NEB: variants seen among roughly 807,000 people sequenced by gnomAD.
NEB encodes nemaline myopathy type 2.
NEB carries 512 observed loss-of-function variants against 952.2 expected under a neutral mutation model. The ratio of observed to expected loss-of-function variants is 0.54; its 90% CI spans 0.50 to 0.58. NEB has a LOEUF of 0.58. Among genes scored for constraint, NEB ranks in the 20% least tolerant of loss-of-function variants. NEB has a pLI of 0.00. For synonymous variants in NEB, 2,900 were observed against 3,149.8 expected (o/e 0.92, Z 2.66); for missense variants, 8,428 against 9,231.1 (o/e 0.91, Z 3.56).
Position 151,533,536 on chromosome 2 carries a change from T to A in NEB, c.21323A>T (p.Lys7108Ile), listed in dbSNP as rs962925999. Residue 7108 changes from lysine to isoleucine, a missense_variant, in exon 143 of 182, where the codon AAA becomes ATA. Coordinates refer to ENST00000397345, the MANE Select transcript of NEB (RefSeq NM_001164508.2). ...ATQLMNERKY[K>I]SSAKMFLQHG... ...TTGCAGAAACATCTTGGCACTAGATTTATATTTTCTCTGTCCATGCAAAGA... is the reference window on the plus strand; with the variant it reads ...TTGCAGAAACATCTTGGCACTAGATATATATTTTCTCTGTCCATGCAAAGA... The A allele has an allele frequency of 1.8e-5, 28 of 1,549,638 alleles. No homozygotes were observed. The African/African-American group carries it at 3.0e-4, about 17-fold the overall frequency.
At chr2:151,502,103 G>C (rs1427858580) in intron 167 of NEB, among the ~76,000 whole-genome samples, 1 of 152,182 alleles carries the variant, frequency 6.6e-6, no homozygotes, top group Non-Finnish European at 1.5e-5. Context: ...AGTATTGTAA[G>C]TGAAGTAACT....
chr2:151,698,557 T>G (rs2099615301), intron 13 of NEB, among the ~76,000 whole-genome samples: 1 of 152,094 alleles, frequency 6.6e-6, no homozygotes, highest in Admixed American at 6.5e-5. Context: ...TCATGAAATG[T>G]GATCTTTTCT....
chr2:151,564,745 T>C (rs937414449), intron 117 of NEB, among the ~76,000 whole-genome samples: 2 of 152,198 alleles, frequency 1.3e-5, no homozygotes, highest in South Asian at 2.1e-4. Flanking sequence ...TATTATTCTA[T>C]CAATTTAAGT....
At chr2:151,522,306 T>C (rs954656755) in intron 153 of NEB, among the ~76,000 whole-genome samples, 42 of 152,220 alleles carry the variant, frequency 2.8e-4, no homozygotes, top group Non-Finnish European at 1.8e-4. Context: ...TGTTGATTCA[T>C]AGAAGGCCTG....
intron 114 of NEB, 76 bp downstream of exon 114, chr2:151,567,092 T>G: frequency 7.8e-7 from 1 of 1,288,494 alleles, no homozygotes; most frequent in South Asian, 1.6e-5. Flanking sequence ...CAAGCACTTG[T>G]GGATCTGGGA....
rs1342814382 is a variant in NEB at position 151,533,530 on chromosome 2, C to G, written c.21329G>C (p.Ser7110Thr). The change falls in exon 143 of 182, where the codon AGT (serine) becomes ACT (threonine). Residue 7110 changes from serine to threonine, a missense_variant. Ser to Thr is a moderately conservative substitution (Grantham distance 58). Around this residue, in one of 11 missense-constraint regions of NEB, gnomAD observed 3,374 missense variants for 3,651.5 expected, o/e 0.92. Transcript: ENST00000397345. ...TCCATGTTGCAGAAACATCTTGGCA[C>G]TAGATTTATATTTTCTCTGTCCATG... ...QLMNERKYKSSAKMFLQHGCN... is the reference protein window; with the variant it reads ...QLMNERKYKSTAKMFLQHGCN... The G allele has an allele frequency of 6.5e-7, 1 of 1,550,016 alleles. No individual in the cohort carries two copies. The highest frequency in any genetic ancestry group is 1.2e-5 in the South Asian group (1 of 84,044).
chr2:151,725,492 T>A lies in NEB; in HGVS notation c.363A>T (p.Glu121Asp). The A allele has an allele frequency of 3.1e-6, 5 of 1,613,746 alleles. No individual in the cohort carries two copies. The highest frequency in any genetic ancestry group is 4.2e-6 in the Non-Finnish European group (5 of 1,179,698). Residue 121 changes from glutamate to aspartate, a missense_variant, in exon 6 of 182, where the codon GAA becomes GAT. Physicochemically the swap from Glu to Asp is conservative, Grantham distance 45. Transcript: ENST00000397345. ...CTTGTACTTTTTTGATTCTGCGAAG[T>A]TCTGGAGTATCTGTTGTGCTGGCGT... ...QPYASTTDTP[E>D]LRRIKKVQDQ...
Position 151,645,715 on chromosome 2 carries a change from A to G in NEB, c.7536+415T>C, listed in dbSNP as rs185422916. 1.1e-4 allele frequency among the ~76,000 whole-genome samples: 16 copies of G among 152,332 alleles called. No homozygotes were observed. In the East Asian group the frequency reaches 2.7e-3, roughly 26 times the overall value. On this transcript the variant is annotated intron_variant, in intron 55 of 181. Coordinates refer to ENST00000397345, the MANE Select transcript of NEB (RefSeq NM_001164508.2). ...GAGATTATGCTGCAATGATAATGACAATAAAAATGAGATTCTCCTGCGTGG... is the reference window on the plus strand; with the variant it reads ...GAGATTATGCTGCAATGATAATGACGATAAAAATGAGATTCTCCTGCGTGG...
intron 169 of NEB, among the ~76,000 whole-genome samples, chr2:151,498,857 T>C (rs2062222336): frequency 6.6e-6 from 1 of 151,252 alleles, no homozygotes; most frequent in African/African-American, 2.4e-5. Flanking sequence ...AGAACAACGA[T>C]GTTTAAGGCA....
chr2:151,702,484 T>C (rs567580290), intron 13 of NEB, among the ~76,000 whole-genome samples: 30 of 152,218 alleles, frequency 2.0e-4, no homozygotes, highest in African/African-American at 6.7e-4. Context: ...TCTCCCATTA[T>C]TAATGTGTGG....
At chr2:151,565,861 T>A in intron 114 of NEB, 41 bp from the exon 115 acceptor site, 1 of 1,400,668 alleles carries the variant, frequency 7.1e-7, no homozygotes, top group Non-Finnish European at 1.0e-6. Flanking sequence ...AATAAATGAC[T>A]GAGACACAGG....
chr2:151,660,446 A>C (rs2099134584), intron 46 of NEB, among the ~76,000 whole-genome samples: 1 of 152,230 alleles, frequency 6.6e-6, no homozygotes. Context: ...TTTAACGAAC[A>C]TTAACAAATG....
intron 145 of NEB, among the ~76,000 whole-genome samples, chr2:151,529,947 T>TCATC (rs1216915532): frequency 6.6e-6 from 1 of 152,146 alleles, no homozygotes; most frequent in Non-Finnish European, 1.5e-5. Context: ...TGATAACTGC[T>TCATC]GATGGAAGAG....
At chr2:151,577,874 C>T (rs2096935581) in intron 105 of NEB, among the ~76,000 whole-genome samples, 1 of 152,220 alleles carries the variant, frequency 6.6e-6, no homozygotes, top group South Asian at 2.1e-4. Flanking sequence ...CCACAGCGCC[C>T]AGCCTATGTC....
At chr2:151,524,653 G>GTTT in intron 151 of NEB, 37 bp from the exon 152 acceptor site, 8 of 515,194 alleles carry the variant, frequency 1.6e-5, no homozygotes, top group South Asian at 8.2e-5. Flanking sequence ...CAAGAGAGAG[G>GTTT]CTTTTTTTTT....
intron 166 of NEB, 55 bp from the exon 167 acceptor site, chr2:151,502,940 G>T: frequency 9.3e-7 from 1 of 1,072,756 alleles, no homozygotes; most frequent in Non-Finnish European, 1.4e-6. Flanking sequence ...CAGAGAGTAA[G>T]GAAGGAAGGA....
chr2:151,497,305 G>T (rs2060887619), intron 171 of NEB: 1 of 971,424 alleles, frequency 1.0e-6, no homozygotes. Flanking sequence ...TTTTTTGTGA[G>T]TACCATGCCT....
chr2:151,522,733 T>G (rs992572373), intron 153 of NEB, among the ~76,000 whole-genome samples: 1 of 152,218 alleles, frequency 6.6e-6, no homozygotes, highest in African/African-American at 2.4e-5. Flanking sequence ...TCAGTCTTTC[T>G]TACATCACTG....
chr2:151,537,960 T>G lies in NEB; in HGVS notation c.21014A>C (p.Asn7005Thr). ...DDISKIKYKE[N>T]YMSQLGIWRS... ...CCAGATACCCAACTGGCTCATGTAGTTCTCCTTGTATTTTATCTGTTATAA... is the reference window on the plus strand; with the variant it reads ...CCAGATACCCAACTGGCTCATGTAGGTCTCCTTGTATTTTATCTGTTATAA... The change falls in exon 140 of 182, where the codon AAC becomes ACC. Residue 7005 changes from asparagine (N) to threonine (T), a missense_variant. Asn to Thr is a moderately conservative substitution (Grantham distance 65, BLOSUM62 0). Around this residue, in one of 11 missense-constraint regions of NEB, gnomAD observed 3,374 missense variants for 3,651.5 expected, o/e 0.92. Coordinates refer to ENST00000397345, the MANE Select transcript of NEB (RefSeq NM_001164508.2). 1 of 1,613,100 alleles carries G rather than the reference T, an allele frequency of 6.2e-7. No individual in the cohort carries two copies. The highest frequency in any genetic ancestry group is 8.5e-7 in the Non-Finnish European group (1 of 1,179,298).
Sources: gnomAD v4.1 joint callset for allele counts (sites outside exome capture counted in the v4.1 genomes callset) on GRCh38, gnomAD v4.1.1 for gene constraint, gnomAD v4.1.1 regional missense constraint, MANE v1.5 for transcripts, NCBI Gene and HGNC (gene_info 2026-07-23, HGNC 2026-07-21) for gene names.